GRM7: variants seen among roughly 807,000 people sequenced by gnomAD.
GRM7 encodes glutamate metabotropic receptor 7.
Under a neutral mutation model 84.5 loss-of-function variants are expected in GRM7, and 35 were observed. The observed-to-expected ratio is 0.41, with a 90% CI of 0.32 to 0.55. GRM7 has a LOEUF of 0.55. Ranked by LOEUF, GRM7 falls within the 20% of genes least tolerant of loss-of-function variation. The pLI, the probability that GRM7 is intolerant of heterozygous loss-of-function variation, is 0.19. For synonymous variants in GRM7, 487 were observed against 455.1 expected, an observed-to-expected ratio of 1.07 and a Z score of -0.89; for missense variants, 1,003 against 1,194.6, an observed-to-expected ratio of 0.84 and a Z score of 2.36.
At chr3:7,736,255 A>T (rs943571025) in intron 9 of GRM7, among the ~76,000 whole-genome samples, 1 of 152,168 alleles carries the variant, frequency 6.6e-6, no homozygotes. Flanking sequence ...AAAAATTTAG[A>T]TATCAATCTT....
intron 5 of GRM7, among the ~76,000 whole-genome samples, chr3:7,426,380 A>G (rs1370753383): frequency 6.6e-6 from 1 of 152,166 alleles, no homozygotes; most frequent in African/African-American, 2.4e-5. Context: ...CCTGGTAGCA[A>G]GGCCCTATCT....
At chr3:6,871,676 A>T (rs76197734) in intron 1 of GRM7, among the ~76,000 whole-genome samples, 3 of 152,050 alleles carry the variant, frequency 2.0e-5, no homozygotes, top group Non-Finnish European at 2.9e-5. Context: ...CTTACAATAA[A>T]AATGCATGAC....
intron 4 of GRM7, among the ~76,000 whole-genome samples, chr3:7,344,767 A>G (rs565986164): frequency 2.5e-4 from 38 of 152,238 alleles, no homozygotes; most frequent in Admixed American, 2.0e-3. Flanking sequence ...TGAGGCTCAG[A>G]AGGTTAGGGG....
intron 1 of GRM7, among the ~76,000 whole-genome samples, chr3:6,939,744 A>G (rs1697822587): frequency 6.6e-6 from 1 of 152,188 alleles, no homozygotes; most frequent in Non-Finnish European, 1.5e-5. Context: ...TGTGTGGTCT[A>G]GGAAAGATAT....
At chr3:7,255,141 A>G (rs1698148645) in intron 2 of GRM7, among the ~76,000 whole-genome samples, 1 of 151,800 alleles carries the variant, frequency 6.6e-6, no homozygotes, top group South Asian at 2.1e-4. Context: ...ACAAGGAATC[A>G]AAAGATCCAG....
chr3:7,327,377 G>C (rs1406098171), intron 4 of GRM7, among the ~76,000 whole-genome samples: 1 of 152,100 alleles, frequency 6.6e-6, no homozygotes, highest in Non-Finnish European at 1.5e-5. Flanking sequence ...AGGAAAAGGA[G>C]AGGAGAGGAA....
At chr3:7,071,166 T>C (rs1321922502) in intron 1 of GRM7, among the ~76,000 whole-genome samples, 3 of 152,084 alleles carry the variant, frequency 2.0e-5, no homozygotes, top group Non-Finnish European at 4.4e-5. Flanking sequence ...GTTTGATTCT[T>C]ACCTAACCCA....
chr3:7,666,885 G>T (rs902199586), intron 8 of GRM7, among the ~76,000 whole-genome samples: 3 of 152,080 alleles, frequency 2.0e-5, no homozygotes, highest in Non-Finnish European at 1.5e-5. Flanking sequence ...AACACTTAAG[G>T]TTCCAATTTG....
At chr3:7,591,106 T>G (rs1201032539) in intron 8 of GRM7, among the ~76,000 whole-genome samples, 1 of 152,166 alleles carries the variant, frequency 6.6e-6, no homozygotes, top group African/African-American at 2.4e-5. Flanking sequence ...TACACTAATG[T>G]CTGTGAAAAT....
intron 1 of GRM7, chr3:6,893,941 T>G (rs1207903093): frequency 6.6e-6 from 1 of 152,138 alleles, no homozygotes; most frequent in Non-Finnish European, 1.5e-5. Context: ...CCTTTAGCAT[T>G]TTCTATTAAA....
intron 1 of GRM7, among the ~76,000 whole-genome samples, chr3:7,089,736 C>T (rs569579762): frequency 8.5e-5 from 13 of 152,178 alleles, no homozygotes; most frequent in African/African-American, 3.1e-4. Flanking sequence ...AGAAAGATAC[C>T]AAGAAGGCAG....
At chr3:7,205,663 C>G (rs1459841457) in intron 2 of GRM7, among the ~76,000 whole-genome samples, 1 of 152,168 alleles carries the variant, frequency 6.6e-6, no homozygotes, top group Non-Finnish European at 1.5e-5. Context: ...CTGTTCAGTA[C>G]AGTGTCTGGG....
At chr3:7,189,449 T>A (rs904451435) in intron 2 of GRM7, among the ~76,000 whole-genome samples, 2 of 152,210 alleles carry the variant, frequency 1.3e-5, no homozygotes, top group Admixed American at 1.3e-4. Context: ...TGAAGATTAA[T>A]GCTGTAAATA....
intron 1 of GRM7, among the ~76,000 whole-genome samples, chr3:7,065,300 T>A (rs1183711169): frequency 6.6e-6 from 1 of 151,976 alleles, no homozygotes; most frequent in African/African-American, 2.4e-5. Flanking sequence ...CAATGTTATC[T>A]TCCAGAATTT....
intron 9 of GRM7, among the ~76,000 whole-genome samples, chr3:7,732,290 C>T: frequency 6.6e-6 from 1 of 152,186 alleles, no homozygotes; most frequent in South Asian, 2.1e-4. Context: ...GCCAACTATA[C>T]ATTGCACACT....
chr3:7,492,906 T>A (rs912029039), intron 7 of GRM7, among the ~76,000 whole-genome samples: 1 of 152,022 alleles, frequency 6.6e-6, no homozygotes, highest in Non-Finnish European at 1.5e-5. Flanking sequence ...TCCATGATAT[T>A]TTTTTTCCTT....
intron 4 of GRM7, among the ~76,000 whole-genome samples, chr3:7,308,739 C>G (rs9825942): frequency 0.66 from 100,628 of 151,912 alleles, 34,776 homozygotes; most frequent in African/African-American, 0.87. Context: ...TCAAGGAAAA[C>G]GAAGAACTTT....
chr3:7,302,094 G>GT lies in GRM7; in HGVS notation c.878+3277dup, dbSNP rs573941167. On this transcript the variant is annotated intron_variant, in intron 3 of 9. Transcript: ENST00000357716. Reference sequence around the variant, plus strand: ...ACTGGAAAATAAAAGTTTTTTTATTGTTTTTTTTCAATAAAAGGAACCCTT... The same window carrying GT: ...ACTGGAAAATAAAAGTTTTTTTATTGTTTTTTTTTCAATAAAAGGAACCCTT... Among the ~76,000 whole-genome samples, 325 of 151,380 alleles carry GT rather than the reference G, an allele frequency of 2.1e-3. 1 individual carries two copies. Among genetic ancestry groups the GT allele is most frequent in the African/African-American group, 7.7e-3 (316 of 41,296 alleles).
chr3:6,964,479 C>T (rs578056586), intron 1 of GRM7, among the ~76,000 whole-genome samples: 1 of 152,202 alleles, frequency 6.6e-6, no homozygotes, highest in African/African-American at 2.4e-5. Flanking sequence ...AAACTTCTTG[C>T]CCCCCATGGT....
Sources: allele counts gnomAD v4.1 joint callset (sites outside exome capture counted in the v4.1 genomes callset), GRCh38; gene constraint gnomAD v4.1.1; transcripts MANE v1.5; gene names NCBI Gene and HGNC (gene_info 2026-07-23, HGNC 2026-07-21).